ITGAV: variants seen among roughly 807,000 people sequenced by gnomAD.
ITGAV encodes the protein integrin alpha-V.
ITGAV carries 76 observed loss-of-function variants against 143.8 expected under a neutral mutation model. That is an observed-to-expected ratio of 0.53 (90% confidence interval 0.44 to 0.64). The LOEUF is 0.64. ITGAV is among the 30% of genes least tolerant of loss of function. The probability of loss-of-function intolerance (pLI) is 0.00; values close to 1 mark genes in which losing one functional copy is unlikely to be tolerated. For synonymous variants in ITGAV, 453 were observed against 446.7 expected (o/e 1.01, Z -0.18); for missense variants, 1,193 against 1,274.7 (o/e 0.94, Z 0.98).
intron 2 of ITGAV, among the ~76,000 whole-genome samples, chr2:186,608,994 C>T (rs2105665946): frequency 6.6e-6 from 1 of 152,212 alleles, no homozygotes; most frequent in African/African-American, 2.4e-5. Context: ...CTCTTTGCAT[C>T]ATTTTATAGA....
rs552528108 is a variant in ITGAV, at chr2:186,666,887, A to T, written c.2246+104A>T. 4 of 575,078 alleles carry T rather than the reference A, an allele frequency of 7.0e-6. No homozygotes were observed. In the South Asian group the frequency reaches 1.4e-4, roughly 20 times the overall value. 35.6% of individuals were successfully genotyped at this position (575,078 alleles called of 1,614,324 possible). On this transcript the variant is annotated intron_variant, in intron 22 of 29. Coordinates refer to ENST00000261023, the MANE Select transcript of ITGAV (RefSeq NM_002210.5). ...AATATAAAGTAGCAGATTAAATTTT[A>T]TTGCTTGACTATAGCATTTTAAAAT...
chr2:186,625,516 A>C lies in ITGAV; in HGVS notation c.452A>C (p.Glu151Ala). The C allele has an allele frequency of 6.2e-7, 1 of 1,614,048 alleles. No individual in the cohort carries two copies. Among genetic ancestry groups the C allele is most frequent in the Non-Finnish European group, 8.5e-7 (1 of 1,179,950 alleles). The change falls in exon 4 of 30, where the codon GAG becomes GCG. Residue 151 changes from glutamate (E) to alanine (A), a missense_variant. Physicochemically the swap from Glu to Ala is moderately radical, Grantham distance 107. Coordinates refer to ENST00000261023, the MANE Select transcript of ITGAV (RefSeq NM_002210.5). ...LYHWRTEMKQ[E>A]REPVGTCFLQ... ...CATTGGAGAACTGAGATGAAACAGG[A>C]GCGAGAGCCTGTTGGAACATGCTTT... is the stretch of plus-strand genomic sequence containing the variant.
intron 1 of ITGAV, among the ~76,000 whole-genome samples, chr2:186,593,455 C>T (rs1485810222): frequency 1.2e-5 from 1 of 82,826 alleles, no homozygotes; most frequent in Non-Finnish European, 2.8e-5. Context: ...AAAACATTCG[C>T]ATTCTGTTTT....
At chr2:186,639,599 G>C (rs967840148) in intron 10 of ITGAV, among the ~76,000 whole-genome samples, 5 of 152,194 alleles carry the variant, frequency 3.3e-5, no homozygotes, top group Non-Finnish European at 5.9e-5. Flanking sequence ...ATTGGGAAGT[G>C]GGGGTGGCTA....
Position 186,641,536 on chromosome 2 carries a change from G to A in ITGAV, c.1107G>A (p.Arg369=). 6.2e-7 allele frequency: 1 copy of A among 1,614,176 alleles called. No individual in the cohort carries two copies. Among genetic ancestry groups the A allele is most frequent in the Non-Finnish European group, 8.5e-7 (1 of 1,180,026 alleles). ...TGAATGGATTTGAGGTCTTTGCACG[G>A]TTTGGCAGTGCCATAGCTCCTTTGG... is the stretch of plus-strand genomic sequence containing the variant. ...TKLNGFEVFA[R]FGSAIAPLGD... is the part of the protein sequence containing the mutation. The change falls in exon 12 of 30, where the codon CGG becomes CGA. Residue 369 remains arginine, a synonymous_variant. Coordinates refer to ENST00000261023, the MANE Select transcript of ITGAV (RefSeq NM_002210.5).
intron 2 of ITGAV, among the ~76,000 whole-genome samples, chr2:186,602,746 G>A (rs1290179064): frequency 1.3e-5 from 2 of 151,902 alleles, no homozygotes; most frequent in Non-Finnish European, 2.9e-5. Flanking sequence ...GTGTGGTGGC[G>A]CCTGCCTGTA....
intron 2 of ITGAV, among the ~76,000 whole-genome samples, chr2:186,621,605 T>C (rs1262219463): frequency 6.6e-6 from 1 of 152,176 alleles, no homozygotes; most frequent in Non-Finnish European, 1.5e-5. Context: ...AGTGGTCTCT[T>C]TTAATCTAGA....
intron 12 of ITGAV, among the ~76,000 whole-genome samples, chr2:186,641,854 C>A (rs1249928482): frequency 6.6e-6 from 1 of 152,184 alleles, no homozygotes; most frequent in Non-Finnish European, 1.5e-5. Context: ...CTGAAAGGAA[C>A]CTTCATTACC....
rs1689295190 is a variant in ITGAV, at chr2:186,679,413, C to T, written c.*2121C>T. 6.6e-6 allele frequency: 1 copy of T among 151,548 alleles called. No individual in the cohort carries two copies. Among genetic ancestry groups the T allele is most frequent in the African/African-American group, 2.4e-5 (1 of 41,320 alleles). 9.4% of individuals were successfully genotyped at this position (151,548 alleles called of 1,614,324 possible). A position where few individuals can be genotyped will look rare whatever the true frequency, so the allele number is the denominator to read the frequency against. ...GTTTTGTATAATAGCATAGATTTTC[C>T]TTCAAAAAATGAACATTTATATATC... On this transcript the variant is annotated 3_prime_UTR_variant, in exon 30 of 30. Transcript: ENST00000261023.
chr2:186,616,273 ATTTTTTTT>A (rs35938539), intron 2 of ITGAV, among the ~76,000 whole-genome samples: 1 of 79,694 alleles, frequency 1.3e-5, no homozygotes, highest in Non-Finnish European at 2.4e-5. Context: ...GATATACCTT[ATTTTTTTT>A]TTTTTTTTTT....
At position 186,622,448 on chromosome 2, in the gene ITGAV, T is replaced by G; in HGVS notation, c.408+18T>G. 6.8e-7 allele frequency: 1 copy of G among 1,481,266 alleles called. No homozygotes were observed. The highest frequency in any genetic ancestry group is 2.3e-5 in the East Asian group (1 of 44,182). The allele number at this position is 1,481,266 out of a possible 1,614,324, so 91.8% of individuals were successfully genotyped here. Reference sequence around the variant, plus strand: ...AAATTTTGGTGAGTCTTCTGGATATTTACTTACAGGTGATTTTAGTCAGTT... The same window carrying G: ...AAATTTTGGTGAGTCTTCTGGATATGTACTTACAGGTGATTTTAGTCAGTT... On this transcript the variant is annotated intron_variant, in intron 3 of 29. Transcript: ENST00000261023.
At chr2:186,625,434 A>T in intron 3 of ITGAV, 39 bp from the exon 4 acceptor site, 1 of 1,373,932 alleles carries the variant, frequency 7.3e-7, no homozygotes, top group Non-Finnish European at 1.0e-6. Context: ...CTAAATTTTT[A>T]GAAAATCTTC....
chr2:186,673,403 A>T (rs1689119836), intron 26 of ITGAV, among the ~76,000 whole-genome samples: 1 of 152,136 alleles, frequency 6.6e-6, no homozygotes, highest in Non-Finnish European at 1.5e-5. Flanking sequence ...GTCCCTTGCG[A>T]TTCCATGTGG....
rs139247292 is a variant in ITGAV at position 186,608,041 on chromosome 2, A to G, written c.316+5890A>G. Among the ~76,000 whole-genome samples, 1,282 of 151,376 alleles carry G rather than the reference A, an allele frequency of 8.5e-3. 18 individuals are homozygous for G. Among genetic ancestry groups the G allele is most frequent in the African/African-American group, 0.03 (1,229 of 41,226 alleles). The stretch of plus-strand genomic sequence containing the variant: ...GGCAAGAGGCTTTGAAGCCAGAATG[A>G]CTCCTGCGTCTACCAGGTTTTGTTT... On this transcript the variant is annotated intron_variant, in intron 2 of 29. Coordinates refer to ENST00000261023, the MANE Select transcript of ITGAV (RefSeq NM_002210.5).
intron 22 of ITGAV, 76 bp downstream of exon 22, chr2:186,666,859 TTAAATA>T: frequency 2.8e-6 from 2 of 716,740 alleles, no homozygotes; most frequent in Non-Finnish European, 4.3e-6. Context: ...GTAATATACT[TTAAATA>T]TAAAGTAGCA....
Position 186,659,131 on chromosome 2 carries a change from C to T in ITGAV, c.1813C>T (p.Gln605Ter). ...YRTAADTTGL[Q>*]PILNQFTPAN... ...AACAGCTGCTGATACAACAGGCTTG[C>T]AACCCATTCTTAACCAGTTCACGCC... is the stretch of plus-strand genomic sequence containing the variant. The change falls in exon 18 of 30, where the codon CAA (glutamine) becomes TAA (stop). Residue 605 changes from glutamine (Q) to a stop codon, truncating the protein, a stop_gained. Transcript: ENST00000261023. LOFTEE classifies it high-confidence loss of function. The T allele has an allele frequency of 6.2e-7, 1 of 1,612,936 alleles. No homozygotes were observed. The highest frequency in any genetic ancestry group is 8.5e-7 in the Non-Finnish European group (1 of 1,179,130).
chr2:186,617,462 A>G (rs1687397159), intron 2 of ITGAV, among the ~76,000 whole-genome samples: 1 of 152,216 alleles, frequency 6.6e-6, no homozygotes, highest in African/African-American at 2.4e-5. Flanking sequence ...TCAAGCATGC[A>G]GTCATGGGAG....
At chr2:186,651,415 C>T (rs61762246) in intron 14 of ITGAV, among the ~76,000 whole-genome samples, 15 of 151,884 alleles carry the variant, frequency 9.9e-5, no homozygotes, top group African/African-American at 3.1e-4. Flanking sequence ...GTATAATGTA[C>T]GTGGTAAAAA....
At chr2:186,590,670 G>A in intron 1 of ITGAV, 147 bp downstream of exon 1, 2 of 694,180 alleles carry the variant, frequency 2.9e-6, no homozygotes, top group South Asian at 4.4e-5. Flanking sequence ...TATATCCTGG[G>A]TGGAGGAAAT....
Sources: gnomAD v4.1 joint callset for allele counts (sites outside exome capture counted in the v4.1 genomes callset) on GRCh38, gnomAD v4.1.1 for gene constraint, MANE v1.5 for transcripts, NCBI Gene and HGNC (gene_info 2026-07-23, HGNC 2026-07-21) for gene names.